Variants in NAALADL2 observed in about 807,000 individuals in gnomAD.
NAALADL2 encodes the protein inactive N-acetylated-alpha-linked acidic dipeptidase-like protein 2.
In NAALADL2, 76 loss-of-function variants were observed where a neutral mutation model predicts 87.2. The ratio of observed to expected loss-of-function variants is 0.87; its 90% confidence interval spans 0.72 to 1.05. NAALADL2 has a LOEUF of 1.05. Among genes scored for constraint, NAALADL2 ranks in the 50% least tolerant of loss-of-function variants. The pLI, the probability that NAALADL2 is intolerant of heterozygous loss-of-function variation, is 0.00. For missense variants in NAALADL2, 1,089 were observed against 945.8 expected, an observed-to-expected ratio of 1.15 and a Z score of -1.99; for synonymous variants, 354 against 331.0, an observed-to-expected ratio of 1.07 and a Z score of -0.75.
At chr3:174,875,312 AAAG>A (rs1728370136) in intron 1 of NAALADL2, among the ~76,000 whole-genome samples, 1 of 151,906 alleles carries the variant, frequency 6.6e-6, no homozygotes, top group African/African-American at 2.4e-5. Context: ...AAATGATAAA[AAAG>A]CAGGAGTGAA....
intron 9 of NAALADL2, among the ~76,000 whole-genome samples, chr3:175,561,448 C>T (rs62288385): frequency 0.13 from 19,671 of 151,904 alleles, 1,358 homozygotes; most frequent in Middle Eastern, 0.17. Context: ...TTAGTGGATT[C>T]AGTTTCCAAA....
intron 11 of NAALADL2, among the ~76,000 whole-genome samples, chr3:175,732,506 T>C (rs940778872): frequency 6.6e-6 from 1 of 152,192 alleles, no homozygotes; most frequent in African/African-American, 2.4e-5. Context: ...CTAGGTGTAG[T>C]TGTATCCCTC....
rs1282204750 is a variant in NAALADL2, at chr3:174,574,416, A to G, written c.-115+23779A>G. Among the ~76,000 whole-genome samples the G allele has an allele frequency of 1.3e-5, 2 of 152,030 alleles. 1 individual carries two copies. The highest frequency in any genetic ancestry group is 4.8e-5 in the African/African-American group (2 of 41,412). ...AGTTCTGTTTTTTTAAAGCAGAGTA[A>G]GTAGTAATTAATGTTTTATTTTTCC... On this transcript the variant is annotated intron_variant, in intron 2 of 3. Coordinates refer to the NAALADL2 transcript ENST00000434257.
At position 175,771,093 on chromosome 3, in the gene NAALADL2, G is replaced by A. The variant is rs112650306; in HGVS notation, c.2189+15675G>A. The stretch of plus-strand genomic sequence containing the variant: ...ATATTTTTCTAGATTAACTACTAGA[G>A]GTTGATGAGTACCTATGCTTCATTT... On this transcript the variant is annotated intron_variant, in intron 13 of 13. Coordinates refer to ENST00000454872, the MANE Select transcript of NAALADL2 (RefSeq NM_207015.3). Among the ~76,000 whole-genome samples, 1,178 of 152,208 alleles carry A rather than the reference G, an allele frequency of 7.7e-3. 17 individuals are homozygous for A. The highest frequency in any genetic ancestry group is 0.026 in the African/African-American group (1,099 of 41,538).
At chr3:174,470,202 G>C (rs145684794) in intron 1 of NAALADL2, among the ~76,000 whole-genome samples, 1 of 152,232 alleles carries the variant, frequency 6.6e-6, no homozygotes, top group Non-Finnish European at 1.5e-5. Flanking sequence ...TGAGTGGTGT[G>C]AGATGGTATC....
chr3:175,756,249 T>A (rs1583127676), intron 13 of NAALADL2, among the ~76,000 whole-genome samples: 1 of 152,124 alleles, frequency 6.6e-6, no homozygotes, highest in South Asian at 2.1e-4. Flanking sequence ...TTATATATAC[T>A]TGGAAAACAG....
chr3:174,588,123 A>T (rs895103160), intron 2 of NAALADL2, among the ~76,000 whole-genome samples: 10 of 138,860 alleles, frequency 7.2e-5, no homozygotes, highest in Non-Finnish European at 1.4e-4. Flanking sequence ...CATTCATTTG[A>T]TCTTCAAACA....
intron 2 of NAALADL2, among the ~76,000 whole-genome samples, chr3:174,585,958 A>G (rs753625460): frequency 5.3e-5 from 8 of 152,186 alleles, no homozygotes; most frequent in Non-Finnish European, 1.0e-4. Context: ...GGGACTAATA[A>G]TACTATATTC....
chr3:175,512,047 G>C (rs1731229960), intron 9 of NAALADL2, among the ~76,000 whole-genome samples: 1 of 152,072 alleles, frequency 6.6e-6, no homozygotes, highest in Non-Finnish European at 1.5e-5. Flanking sequence ...TTAGAGACCA[G>C]CCTGAGCAAC....
chr3:174,665,925 C>CT (rs1197308847), intron 2 of NAALADL2, among the ~76,000 whole-genome samples: 2 of 152,140 alleles, frequency 1.3e-5, no homozygotes, highest in African/African-American at 4.8e-5. Flanking sequence ...TAGCATTCTC[C>CT]TTTCTGTGTC....
intron 3 of NAALADL2, among the ~76,000 whole-genome samples, chr3:174,750,255 A>G (rs1734690586): frequency 6.6e-6 from 1 of 152,166 alleles, no homozygotes; most frequent in Admixed American, 6.5e-5. Context: ...TCTAAATTTT[A>G]TCTGGGCAAA....
At chr3:175,241,801 C>T (rs993699287) in intron 3 of NAALADL2, among the ~76,000 whole-genome samples, 8 of 150,256 alleles carry the variant, frequency 5.3e-5, no homozygotes, top group Non-Finnish European at 7.4e-5. Flanking sequence ...TTCATTTTCC[C>T]CACTTGATTA....
intron 1 of NAALADL2, among the ~76,000 whole-genome samples, chr3:175,034,873 C>G (rs1401033510): frequency 6.6e-6 from 1 of 152,148 alleles, no homozygotes; most frequent in Non-Finnish European, 1.5e-5. Context: ...TAGTTATAAT[C>G]ATATGAATTA....
At chr3:174,810,624 T>G (rs1295012600) in intron 3 of NAALADL2, among the ~76,000 whole-genome samples, 1 of 147,994 alleles carries the variant, frequency 6.8e-6, no homozygotes, top group African/African-American at 2.5e-5. Flanking sequence ...GATCCAAAAC[T>G]AGAATTTATA....
At chr3:174,885,717 C>CA (rs145939931) in intron 1 of NAALADL2, among the ~76,000 whole-genome samples, 4,556 of 151,690 alleles carry the variant, frequency 0.03, 227 homozygotes, top group African/African-American at 0.1. Flanking sequence ...CCCCTGGTAC[C>CA]AAAATCTGTA....
rs1717936970 is a variant in NAALADL2, at chr3:174,487,652, T to C, written c.-184+46620T>C. Among the ~76,000 whole-genome samples, 3 of 151,576 alleles carry C rather than the reference T, an allele frequency of 2.0e-5. No homozygotes were observed. The Admixed American group carries it at 2.0e-4, about 10-fold the overall frequency. ...GGAGGCATTCCAGTCCCAGAGAAAA[T>C]AATTAATAAAGGCATTAAGTTTAGA... On this transcript the variant is annotated intron_variant, in intron 1 of 3. Coordinates refer to the NAALADL2 transcript ENST00000434257.
chr3:175,131,172 ATTG>A (rs1727789989), intron 2 of NAALADL2, among the ~76,000 whole-genome samples: 1 of 78,552 alleles, frequency 1.3e-5, no homozygotes, highest in Non-Finnish European at 2.6e-5. Context: ...TTTTTTTTTA[ATTG>A]TTCATTCTTG....
rs2108832234 is a variant in NAALADL2 at position 174,683,347 on chromosome 3, G to A, written c.-114-54294G>A. On this transcript the variant is annotated intron_variant, in intron 2 of 3. Coordinates refer to the NAALADL2 transcript ENST00000434257. Reference sequence around the variant, plus strand: ...AGATACAGGTAGAAGGAAGCCCAATGTCCATTTAAGTAAAAATTCAGGATT... The same window carrying A: ...AGATACAGGTAGAAGGAAGCCCAATATCCATTTAAGTAAAAATTCAGGATT... 2.0e-5 allele frequency among the ~76,000 whole-genome samples: 3 copies of A among 152,216 alleles called. No individual in the cohort carries two copies. The Middle Eastern group carries it at 0.01, about 518-fold the overall frequency.
intron 4 of NAALADL2, among the ~76,000 whole-genome samples, chr3:175,294,242 C>A (rs1239782720): frequency 1.3e-5 from 2 of 152,156 alleles, no homozygotes; most frequent in Non-Finnish European, 2.9e-5. Context: ...ATATACTTTT[C>A]AAGTTTGTTG....
Sources: allele counts gnomAD v4.1 joint callset (sites outside exome capture counted in the v4.1 genomes callset), GRCh38; gene constraint gnomAD v4.1.1; transcripts MANE v1.5; gene names NCBI Gene and HGNC (gene_info 2026-07-23, HGNC 2026-07-21).